Variants in PPM1H observed in about 807,000 individuals in gnomAD.
PPM1H encodes protein phosphatase, Mg2+/Mn2+ dependent 1H, also known as protein phosphatase 1H.
In PPM1H, 27 loss-of-function variants were observed where a neutral mutation model predicts 54.9. The observed-to-expected ratio is 0.49, with a 90% confidence interval of 0.36 to 0.68. The LOEUF (loss-of-function observed/expected upper bound fraction) is 0.68, where lower values mean the gene tolerates loss of function less well. PPM1H is among the 30% of genes least tolerant of loss of function. PPM1H has a pLI of 0.00. For missense variants in PPM1H, 596 were observed against 667.8 expected (o/e 0.89, Z 1.19); for synonymous variants, 305 against 270.8 (o/e 1.13, Z -1.24).
At chr12:62,659,775 A>C (rs990416863) in intron 9 of PPM1H, among the ~76,000 whole-genome samples, 2 of 152,188 alleles carry the variant, frequency 1.3e-5, no homozygotes, top group Admixed American at 6.5e-5. Flanking sequence ...GACTCAAAGT[A>C]AAACAGGCCC....
chr12:62,767,012 T>C (rs1234364726), intron 4 of PPM1H, among the ~76,000 whole-genome samples: 1 of 152,136 alleles, frequency 6.6e-6, no homozygotes, highest in Non-Finnish European at 1.5e-5. Flanking sequence ...TGGTTAGGGC[T>C]GTGGGGGAAG....
intron 1 of PPM1H, among the ~76,000 whole-genome samples, chr12:62,846,344 A>AACTTTTTAGCTTACCATATCAGTGTCTT (rs1565807852): frequency 6.6e-6 from 1 of 151,958 alleles, no homozygotes; most frequent in Non-Finnish European, 1.5e-5. Context: ...TAAAAAAAAT[A>AACTTTTTAGCTTACCATATCAGTGTCTT]CAAAAATTAG....
chr12:62,706,012 A>C (rs1047243541), intron 6 of PPM1H, among the ~76,000 whole-genome samples: 4 of 152,210 alleles, frequency 2.6e-5, no homozygotes, highest in Admixed American at 1.3e-4. Flanking sequence ...GCTCAGATGG[A>C]TATTCATATC....
chr12:62,869,632 G>C (rs952992365), intron 1 of PPM1H, among the ~76,000 whole-genome samples: 14 of 152,098 alleles, frequency 9.2e-5, no homozygotes, highest in African/African-American at 3.4e-4. Flanking sequence ...CTTAAAACAG[G>C]AGCATGACAA....
At chr12:62,665,989 A>G (rs557159673) in intron 9 of PPM1H, among the ~76,000 whole-genome samples, 7 of 152,252 alleles carry the variant, frequency 4.6e-5, no homozygotes, top group Admixed American at 3.3e-4. Flanking sequence ...GTTATCTCCC[A>G]AAGTGTTGGG....
At chr12:62,817,486 A>AC (rs1456246839) in intron 2 of PPM1H, among the ~76,000 whole-genome samples, 56 of 152,026 alleles carry the variant, frequency 3.7e-4, no homozygotes, top group African/African-American at 8.9e-4. Context: ...AAACAAACAA[A>AC]AAAAAAACTA....
intron 1 of PPM1H, among the ~76,000 whole-genome samples, chr12:62,849,818 A>G (rs1869112799): frequency 6.6e-6 from 1 of 152,202 alleles, no homozygotes; most frequent in Non-Finnish European, 1.5e-5. Flanking sequence ...GAATAAGTTA[A>G]AAACTTGAAA....
chr12:62,756,738 A>G (rs1272567519), intron 4 of PPM1H, among the ~76,000 whole-genome samples: 1 of 151,966 alleles, frequency 6.6e-6, no homozygotes, highest in Non-Finnish European at 1.5e-5. Flanking sequence ...ATCTCGGAGG[A>G]GCCAATTGAA....
intron 9 of PPM1H, chr12:62,658,867 A>C: frequency 1.7e-6 from 1 of 604,378 alleles, no homozygotes; most frequent in Admixed American, 1.9e-5. Flanking sequence ...TCAAAAAAAG[A>C]ACCAAGAAGT....
chr12:62,904,153 A>G (rs576648927), intron 1 of PPM1H, among the ~76,000 whole-genome samples: 1 of 152,344 alleles, frequency 6.6e-6, no homozygotes, highest in South Asian at 2.1e-4. Flanking sequence ...AAAAGGCTAC[A>G]TTACATAAAG....
intron 1 of PPM1H, among the ~76,000 whole-genome samples, chr12:62,885,834 C>T (rs1400397773): frequency 6.6e-6 from 1 of 152,218 alleles, no homozygotes; most frequent in Non-Finnish European, 1.5e-5. Context: ...TCTGTGCCAT[C>T]TTCTCTTCTG....
chr12:62,806,473 T>A (rs756653200), intron 2 of PPM1H, among the ~76,000 whole-genome samples: 32 of 152,200 alleles, frequency 2.1e-4, no homozygotes, highest in Admixed American at 2.6e-4. Context: ...CACTGACTGA[T>A]ACGGTTTGGA....
At chr12:62,850,362 A>G (rs1487676325) in intron 1 of PPM1H, among the ~76,000 whole-genome samples, 1 of 152,178 alleles carries the variant, frequency 6.6e-6, no homozygotes, top group African/African-American at 2.4e-5. Flanking sequence ...TTTAGTTTTA[A>G]ACTTTCAAAT....
intron 1 of PPM1H, among the ~76,000 whole-genome samples, chr12:62,889,628 T>A (rs1213709194): frequency 6.6e-6 from 1 of 152,076 alleles, no homozygotes; most frequent in Admixed American, 6.6e-5. Context: ...CCCACATAAA[T>A]ACAGTCAACT....
At chr12:62,759,678 G>C (rs1008225311) in intron 4 of PPM1H, among the ~76,000 whole-genome samples, 5 of 152,080 alleles carry the variant, frequency 3.3e-5, no homozygotes, top group African/African-American at 4.8e-5. Context: ...CTTTTCTGGG[G>C]GGCAAGCACC....
chr12:62,802,193 C>T (rs112617037), intron 2 of PPM1H, 33 bp from the exon 3 acceptor site: 22 of 1,495,894 alleles, frequency 1.5e-5, no homozygotes, highest in East Asian at 4.7e-5. Flanking sequence ...GGAGTGAGAA[C>T]GGCTGTGGAC....
chr12:62,654,121 G>C (rs1445331417), intron 9 of PPM1H, among the ~76,000 whole-genome samples: 2 of 148,318 alleles, frequency 1.3e-5, no homozygotes, highest in South Asian at 4.3e-4. Context: ...TGTCGTCCCA[G>C]CTACTCGGGA....
chr12:62,829,602 C>T (rs916149952), intron 2 of PPM1H, among the ~76,000 whole-genome samples: 5 of 152,208 alleles, frequency 3.3e-5, no homozygotes, highest in Non-Finnish European at 5.9e-5. Context: ...AATGAAGCTG[C>T]TGTGGTCGGA....
intron 1 of PPM1H, among the ~76,000 whole-genome samples, chr12:62,865,791 C>G (rs1219987706): frequency 6.6e-6 from 1 of 152,190 alleles, no homozygotes; most frequent in African/African-American, 2.4e-5. Context: ...GCCACCATGC[C>G]TGGCCTAAAG....
Sources: allele counts gnomAD v4.1 joint callset (sites outside exome capture counted in the v4.1 genomes callset), GRCh38; gene constraint gnomAD v4.1.1; transcripts MANE v1.5; gene names NCBI Gene and HGNC (gene_info 2026-07-23, HGNC 2026-07-21).